NEK7: variants seen among roughly 807,000 people sequenced by gnomAD.
NEK7 encodes NIMA related kinase 7.
A neutral mutation model predicts 44.6 loss-of-function variants in NEK7; 18 were observed. The ratio of observed to expected loss-of-function variants is 0.40; its 90% confidence interval spans 0.28 to 0.60. The LOEUF is 0.60. Ranked by LOEUF, NEK7 falls within the 20% of genes least tolerant of loss-of-function variation. The probability of loss-of-function intolerance (pLI) is 0.38; values close to 1 mark genes in which losing one functional copy is unlikely to be tolerated. For synonymous variants in NEK7, 130 were observed against 121.1 expected (o/e 1.07, Z -0.48); for missense variants, 256 against 366.5 (o/e 0.70, Z 2.46).
rs1558077189 is a variant in NEK7, at chr1:198,249,738, GT to G, written c.58-3295del. Among the ~76,000 whole-genome samples, 3 of 143,830 alleles carry G rather than the reference GT, an allele frequency of 2.1e-5. No individual in the cohort carries two copies. In the East Asian group the frequency reaches 6.9e-4, roughly 33 times the overall value. 94.4% of individuals were successfully genotyped at this position (143,830 alleles called of 152,430 possible). On this transcript the variant is annotated intron_variant, in intron 2 of 9. Coordinates refer to ENST00000367385, the MANE Select transcript of NEK7 (RefSeq NM_133494.3). Reference sequence around the variant, plus strand: ...CACCCACTTTTTGATGGGGTTGTTTGTTTTTTTCTTGTAAATTTGTTTGAGT... The same window carrying G: ...CACCCACTTTTTGATGGGGTTGTTTGTTTTTTCTTGTAAATTTGTTTGAGT...
chr1:198,310,796 A>G (rs1655159042), intron 9 of NEK7, among the ~76,000 whole-genome samples: 1 of 151,960 alleles, frequency 6.6e-6, no homozygotes, highest in African/African-American at 2.4e-5. Context: ...CCATTGATCT[A>G]TATCTCTGTT....
intron 1 of NEK7, among the ~76,000 whole-genome samples, chr1:198,186,994 G>T (rs577645817): frequency 6.6e-6 from 1 of 152,294 alleles, no homozygotes; most frequent in African/African-American, 2.4e-5. Flanking sequence ...AGTATGTTAT[G>T]CATTATGACT....
intron 1 of NEK7, among the ~76,000 whole-genome samples, chr1:198,170,203 A>G (rs1290308599): frequency 6.6e-6 from 1 of 152,174 alleles, no homozygotes; most frequent in African/African-American, 2.4e-5. Flanking sequence ...CTGAATTCCA[A>G]GGTCTGAAAG....
At chr1:198,232,512 A>G (rs1478356767) in intron 1 of NEK7, 41 bp from the exon 2 acceptor site, 5 of 885,358 alleles carry the variant, frequency 5.6e-6, no homozygotes, top group East Asian at 2.5e-5. Flanking sequence ...GTGAATTGGT[A>G]ATGATTACAT....
intron 5 of NEK7, among the ~76,000 whole-genome samples, chr1:198,267,423 G>A (rs1653690695): frequency 6.6e-6 from 1 of 151,860 alleles, no homozygotes; most frequent in Non-Finnish European, 1.5e-5. Context: ...TGGAGGAGGT[G>A]TGTTGCTATT....
At chr1:198,255,741 T>C (rs903472114) in intron 3 of NEK7, among the ~76,000 whole-genome samples, 1 of 152,194 alleles carries the variant, frequency 6.6e-6, no homozygotes, top group African/African-American at 2.4e-5. Context: ...AGTGTGGATA[T>C]TGTGACATCT....
At chr1:198,200,471 G>A (rs1453621065) in intron 1 of NEK7, among the ~76,000 whole-genome samples, 1 of 151,562 alleles carries the variant, frequency 6.6e-6, no homozygotes, top group African/African-American at 2.4e-5. Flanking sequence ...AGTGCAGGCT[G>A]ATCTGTCTTC....
chr1:198,164,624 A>G (rs1664210858), intron 1 of NEK7, among the ~76,000 whole-genome samples: 1 of 152,226 alleles, frequency 6.6e-6, no homozygotes, highest in African/African-American at 2.4e-5. Context: ...ACATAATTAA[A>G]AAATATTTTA....
chr1:198,283,629 T>C (rs957265185), intron 7 of NEK7, among the ~76,000 whole-genome samples: 25 of 152,178 alleles, frequency 1.6e-4, no homozygotes, highest in African/African-American at 5.5e-4. Context: ...AGGACACTTA[T>C]GAATTTTGCC....
At chr1:198,207,719 G>A (rs1665639363) in intron 1 of NEK7, among the ~76,000 whole-genome samples, 1 of 152,132 alleles carries the variant, frequency 6.6e-6, no homozygotes. Flanking sequence ...ACTTGTATGG[G>A]CTGATGGAAC....
At chr1:198,177,850 G>A (rs1221486010) in intron 1 of NEK7, among the ~76,000 whole-genome samples, 1 of 151,746 alleles carries the variant, frequency 6.6e-6, no homozygotes, top group African/African-American at 2.4e-5. Flanking sequence ...ACCATTAGTG[G>A]AATTAAGATA....
At chr1:198,237,818 C>T (rs1666578364) in intron 2 of NEK7, among the ~76,000 whole-genome samples, 1 of 152,108 alleles carries the variant, frequency 6.6e-6, no homozygotes, top group Non-Finnish European at 1.5e-5. Context: ...TTAATATCAC[C>T]TTCTCGATCA....
intron 2 of NEK7, among the ~76,000 whole-genome samples, chr1:198,235,686 A>AT (rs1478034978): frequency 6.6e-6 from 1 of 152,118 alleles, no homozygotes; most frequent in East Asian, 1.9e-4. Flanking sequence ...GTAGAGTCAC[A>AT]TTTTTTTCCA....
intron 2 of NEK7, among the ~76,000 whole-genome samples, chr1:198,237,343 T>C (rs548062187): frequency 6.6e-6 from 1 of 152,258 alleles, no homozygotes; most frequent in East Asian, 1.9e-4. Flanking sequence ...TCCAAACTCA[T>C]GTATCCATTT....
At chr1:198,256,579 T>G in intron 3 of NEK7, 1 of 1,371,316 alleles carries the variant, frequency 7.3e-7, no homozygotes, top group Admixed American at 2.7e-5. Context: ...AGTGCTTCCC[T>G]TCCTGCTGAT....
chr1:198,250,502 C>T (rs1277453730), intron 2 of NEK7, among the ~76,000 whole-genome samples: 15 of 149,964 alleles, frequency 1.0e-4, no homozygotes, highest in Non-Finnish European at 1.6e-4. Flanking sequence ...TTGATTCTTC[C>T]TACCCATGAG....
intron 3 of NEK7, among the ~76,000 whole-genome samples, chr1:198,255,827 A>G (rs756098830): frequency 2.0e-5 from 3 of 152,216 alleles, no homozygotes; most frequent in Non-Finnish European, 4.4e-5. Context: ...TTAGGGAGCA[A>G]CGCCTTAAAC....
At chr1:198,171,871 A>G (rs1664455006) in intron 1 of NEK7, among the ~76,000 whole-genome samples, 1 of 152,034 alleles carries the variant, frequency 6.6e-6, no homozygotes. Context: ...TGTCTTCTCT[A>G]CAAGGCCTGC....
At chr1:198,311,653 A>C (rs1265406418) in intron 9 of NEK7, among the ~76,000 whole-genome samples, 2 of 151,668 alleles carry the variant, frequency 1.3e-5, no homozygotes, top group African/African-American at 4.8e-5. Context: ...ATGAAGGGTT[A>C]TTGAATTTTG....
Sources: gnomAD v4.1 joint callset for allele counts (sites outside exome capture counted in the v4.1 genomes callset) on GRCh38, gnomAD v4.1.1 for gene constraint, MANE v1.5 for transcripts, NCBI Gene and HGNC (gene_info 2026-07-23, HGNC 2026-07-21) for gene names.